Variants in SLC43A2 observed in about 807,000 individuals in gnomAD.
SLC43A2 encodes the protein large neutral amino acids transporter small subunit 4.
In SLC43A2, 38 loss-of-function variants were observed where a neutral mutation model predicts 63.2. That is an observed-to-expected ratio of 0.60 (90% CI 0.46 to 0.79). SLC43A2 has a LOEUF of 0.79. Ranked by LOEUF, SLC43A2 falls within the 30% of genes least tolerant of loss-of-function variation. The pLI, the probability that SLC43A2 is intolerant of heterozygous loss-of-function variation, is 0.00. For synonymous variants in SLC43A2, 322 were observed against 331.0 expected (o/e 0.97, Z 0.30); for missense variants, 644 against 756.2 (o/e 0.85, Z 1.74).
At chr17:1,600,135 A>AATATAT (rs546467041) in intron 5 of SLC43A2, among the ~76,000 whole-genome samples, 15,226 of 47,614 alleles carry the variant, frequency 0.32, 3,353 homozygotes, top group East Asian at 0.51. Context: ...ATATTAATTG[A>AATATAT]ATATATATAT....
chr17:1,595,530 C>T (rs1336799898), intron 5 of SLC43A2, among the ~76,000 whole-genome samples: 1 of 152,062 alleles, frequency 6.6e-6, no homozygotes, highest in African/African-American at 2.4e-5. Flanking sequence ...TCTGCAACCT[C>T]CACCTCCCAA....
upstream of SLC43A2, among the ~76,000 whole-genome samples, chr17:1,629,204 C>T (rs1219170179): frequency 6.6e-6 from 1 of 151,752 alleles, no homozygotes; most frequent in African/African-American, 2.4e-5. Flanking sequence ...GGGCCACCAG[C>T]GCCCCCAGCC....
In SLC43A2 at chr17:1,605,279, T is replaced by C. The variant is rs537510924; in HGVS notation, c.501+7916A>G. 6.7e-5 allele frequency: 69 copies of C among 1,027,464 alleles called. 1 individual carries two copies. In the South Asian group the frequency reaches 2.1e-3, roughly 32 times the overall value. 63.6% of individuals were successfully genotyped at this position (1,027,464 alleles called of 1,614,324 possible). On this transcript the variant is annotated intron_variant, in intron 5 of 13. Coordinates refer to ENST00000301335, the MANE Select transcript of SLC43A2 (RefSeq NM_152346.3). This position sits in a 1 kb window ranked among gnomAD's most constrained non-coding sequence, Gnocchi z 4.9. ...GCTGCAGCATAAACAGGCCGGACTGTGTGACCTTCCCAGAGGGGAAAACAG... is the reference window on the plus strand; with the variant it reads ...GCTGCAGCATAAACAGGCCGGACTGCGTGACCTTCCCAGAGGGGAAAACAG...
At chr17:1,626,234 G>A (rs1363824077) in intron 2 of SLC43A2, among the ~76,000 whole-genome samples, 14 of 149,138 alleles carry the variant, frequency 9.4e-5, no homozygotes, top group Non-Finnish European at 1.8e-4. Context: ...GAGGCAAGCA[G>A]GAAGGGTCAC....
chr17:1,627,657 G>GGC, intron 2 of SLC43A2, 58 bp downstream of exon 2: 1 of 292,162 alleles, frequency 3.4e-6, no homozygotes, highest in Non-Finnish European at 5.6e-6. Flanking sequence ...CCCCCATCCC[G>GGC]CCCCCTCCCA....
In SLC43A2 at chr17:1,605,016, G is replaced by C; in HGVS notation, c.501+8179C>G. The C allele has an allele frequency of 2.1e-6, 3 of 1,428,666 alleles. No homozygotes were observed. Among genetic ancestry groups the C allele is most frequent in the Non-Finnish European group, 2.7e-6 (3 of 1,092,932 alleles). 88.5% of individuals were successfully genotyped at this position (1,428,666 alleles called of 1,614,324 possible). On this transcript the variant is annotated intron_variant, in intron 5 of 13. Transcript: ENST00000301335. The surrounding 1 kb of genome is among the most constrained non-coding windows in gnomAD (Gnocchi z 4.9). The stretch of plus-strand genomic sequence containing the variant: ...TGGCGGAGGGGAAGGACCCCAGGAG[G>C]GGAAGGACCAGCTTTGCTGCCAAGC...
chr17:1,629,334 A>G (rs1240827282), upstream of SLC43A2, among the ~76,000 whole-genome samples: 2 of 143,760 alleles, frequency 1.4e-5, no homozygotes, highest in African/African-American at 5.3e-5. Flanking sequence ...CCTCCTCCCC[A>G]CGCAGCGCCG....
At chr17:1,621,939 T>C (rs545753302) in intron 2 of SLC43A2, among the ~76,000 whole-genome samples, 1 of 152,322 alleles carries the variant, frequency 6.6e-6, no homozygotes, top group Non-Finnish European at 1.5e-5. Flanking sequence ...CAGGAGGCCC[T>C]GAATATCGCT....
Position 1,583,695 on chromosome 17 carries a change from T to C in SLC43A2, c.1218-359A>G. On this transcript the variant is annotated intron_variant, in intron 10 of 13. Coordinates refer to ENST00000301335, the MANE Select transcript of SLC43A2 (RefSeq NM_152346.3). This position sits in a 1 kb window ranked among gnomAD's most constrained non-coding sequence, Gnocchi z 5.5. The stretch of plus-strand genomic sequence containing the variant: ...ACCACTGGCTTCAAGTTCACCCAAA[T>C]CTTGCAGGACGCTGATAAGAAGCCA... 1 of 215,224 alleles carries C rather than the reference T, an allele frequency of 4.6e-6. No homozygotes were observed. Among genetic ancestry groups the C allele is most frequent in the Non-Finnish European group, 9.4e-6 (1 of 106,082 alleles). The allele number at this position is 215,224 out of a possible 1,614,324, so 13.3% of individuals were successfully genotyped here. A position where few individuals can be genotyped will look rare whatever the true frequency, so the allele number is the denominator to read the frequency against.
chr17:1,586,523 C>CG (rs1555537544), intron 9 of SLC43A2, among the ~76,000 whole-genome samples: 1 of 151,950 alleles, frequency 6.6e-6, no homozygotes, highest in Non-Finnish European at 1.5e-5. Flanking sequence ...AGTGAAACCC[C>CG]GTCTCTACTA....
chr17:1,611,298 T>C (rs9891989), intron 5 of SLC43A2, among the ~76,000 whole-genome samples: 28,187 of 152,082 alleles, frequency 0.19, 2,670 homozygotes, highest in South Asian at 0.24. Context: ...ACTAAAATAA[T>C]GGAGGTGAGG....
At chr17:1,586,880 G>A in intron 9 of SLC43A2, 1 of 1,512,314 alleles carries the variant, frequency 6.6e-7, no homozygotes, top group Non-Finnish European at 8.8e-7. Context: ...GAGCTTCTGG[G>A]TTGAACAGAG....
At chr17:1,619,170 T>C (rs1907937730) in intron 2 of SLC43A2, among the ~76,000 whole-genome samples, 1 of 151,736 alleles carries the variant, frequency 6.6e-6, no homozygotes. Flanking sequence ...CCGGGCATGG[T>C]GGGCGTCTAT....
At position 1,575,202 on chromosome 17, in the gene SLC43A2, A is replaced by C; in HGVS notation, c.*402T>G. On this transcript the variant is annotated 3_prime_UTR_variant, in exon 14 of 14. Coordinates refer to ENST00000301335, the MANE Select transcript of SLC43A2 (RefSeq NM_152346.3). ...TGCAAGCCTTTGTCCTCAGGCAGGT[A>C]CGGCTGTGGGCATGCAGCCGAGGGG... is the stretch of plus-strand genomic sequence containing the variant. 6.6e-6 allele frequency: 2 copies of C among 302,090 alleles called. No individual in the cohort carries two copies. Among genetic ancestry groups the C allele is most frequent in the Non-Finnish European group, 1.3e-5 (2 of 157,102 alleles). The allele number at this position is 302,090 out of a possible 1,614,324, so 18.7% of individuals were successfully genotyped here. A position where few individuals can be genotyped will look rare whatever the true frequency, so the allele number is the denominator to read the frequency against.
chr17:1,619,758 C>T (rs1435660486), intron 2 of SLC43A2, among the ~76,000 whole-genome samples: 4 of 152,208 alleles, frequency 2.6e-5, no homozygotes, highest in African/African-American at 9.7e-5. Flanking sequence ...AAAGCAACAG[C>T]CATTTCCAGG....
intron 5 of SLC43A2, among the ~76,000 whole-genome samples, chr17:1,597,519 G>A (rs1905428864): frequency 7.2e-6 from 1 of 138,632 alleles, no homozygotes; most frequent in Non-Finnish European, 1.6e-5. Context: ...AAGAAATGAG[G>A]CCGGGCGAGG....
chr17:1,595,034 AAGAG>A (rs1905176208), intron 5 of SLC43A2, among the ~76,000 whole-genome samples: 1 of 151,950 alleles, frequency 6.6e-6, no homozygotes, highest in South Asian at 2.1e-4. Context: ...AGTTAAAAAA[AAGAG>A]AGAGAGACAA....
intron 2 of SLC43A2, among the ~76,000 whole-genome samples, chr17:1,626,620 CAG>C (rs1908691025): frequency 2.0e-5 from 3 of 152,140 alleles, no homozygotes; most frequent in Admixed American, 2.0e-4. Flanking sequence ...AGAAGGGAAA[CAG>C]GGAGGCTTCC....
At chr17:1,591,726 G>A (rs747158625) in intron 6 of SLC43A2, 27 bp from the exon 7 acceptor site, 2 of 1,000,288 alleles carry the variant, frequency 2.0e-6, no homozygotes, top group Non-Finnish European at 2.9e-6. Flanking sequence ...GGACGGGGTG[G>A]GGGGGGGAGG....
Sources: allele counts gnomAD v4.1 joint callset (sites outside exome capture counted in the v4.1 genomes callset), GRCh38; gene constraint gnomAD v4.1.1; non-coding constraint Gnocchi (gnomAD v3.1); transcripts MANE v1.5; gene names NCBI Gene and HGNC (gene_info 2026-07-23, HGNC 2026-07-21).